The following MTUS2 variants were observed in gnomAD, a reference collection of about 807,000 sequenced individuals.
MTUS2 encodes microtubule-associated tumor suppressor candidate 2.
A neutral mutation model predicts 114.1 loss-of-function variants in MTUS2; 40 were observed. The ratio of observed to expected loss-of-function variants is 0.35; its 90% CI spans 0.27 to 0.46. MTUS2 has a LOEUF of 0.46. Among genes scored for constraint, MTUS2 ranks in the 20% least tolerant of loss-of-function variants. The pLI, the probability that MTUS2 is intolerant of heterozygous loss-of-function variation, is 1.00. For synonymous variants in MTUS2, 688 were observed against 672.0 expected, an observed-to-expected ratio of 1.02 and a Z score of -0.37; for missense variants, 1,679 against 1,705.4, an observed-to-expected ratio of 0.98 and a Z score of 0.27.
rs1021791237 is a variant in MTUS2 at position 29,284,588 on chromosome 13, TG to T, written c.2806+2725del. Among the ~76,000 whole-genome samples the T allele has an allele frequency of 9.2e-5, 14 of 152,296 alleles. 1 individual carries two copies. Among genetic ancestry groups the T allele is most frequent in the Admixed American group, 6.5e-4 (10 of 15,288 alleles). On this transcript the variant is annotated intron_variant, in intron 6 of 15. Coordinates refer to ENST00000612955, the MANE Select transcript of MTUS2 (RefSeq NM_001033602.4). ...AAACTCAAAAATGAAATTAAACAAA[TG>T]GAAGTAATTGCATAGCCCGTTGATG...
At position 29,353,009 on chromosome 13, in the gene MTUS2, G is replaced by T. The variant is rs77488355; in HGVS notation, c.2906-6253G>T. 4.6e-3 allele frequency among the ~76,000 whole-genome samples: 707 copies of T among 152,216 alleles called. 6 individuals are homozygous for T. Among genetic ancestry groups the T allele is most frequent in the African/African-American group, 0.016 (661 of 41,532 alleles). On this transcript the variant is annotated intron_variant, in intron 7 of 15. Transcript: ENST00000612955. The stretch of plus-strand genomic sequence containing the variant: ...ATACATTTACAATAACTGTTTAACT[G>T]TCCCTGTCTAGTAATTCTGTTATCT...
intron 2 of MTUS2, among the ~76,000 whole-genome samples, chr13:28,945,297 A>ATG (rs1555276525): frequency 2.2e-4 from 8 of 35,910 alleles, no homozygotes; most frequent in African/African-American, 4.2e-4. Flanking sequence ...GAGGGAAGGT[A>ATG]TCTTCGATAT....
At chr13:29,001,716 A>G (rs1476839389) in intron 2 of MTUS2, among the ~76,000 whole-genome samples, 1 of 152,156 alleles carries the variant, frequency 6.6e-6, no homozygotes, top group African/African-American at 2.4e-5. Flanking sequence ...TCATGTGGCA[A>G]AAGGGACTTT....
Position 28,830,023 on chromosome 13 carries a change from C to T in MTUS2, c.-316+9412C>T, listed in dbSNP as rs556573968. 1.6e-3 allele frequency among the ~76,000 whole-genome samples: 238 copies of T among 152,234 alleles called. 1 individual carries two copies. The highest frequency in any genetic ancestry group is 5.3e-3 in the African/African-American group (222 of 41,546). On this transcript the variant is annotated intron_variant, in intron 1 of 15. Transcript: ENST00000612955. ...AGCATGTACCCCACCCCCCAACACG[C>T]GTAATCCCTCAGCAAAGACAGAAAT...
At chr13:29,010,663 A>G (rs982459323) in intron 2 of MTUS2, among the ~76,000 whole-genome samples, 1 of 151,920 alleles carries the variant, frequency 6.6e-6, no homozygotes, top group Non-Finnish European at 1.5e-5. Context: ...CTTCCTATTT[A>G]CTTGCTCTAT....
At chr13:29,083,445 C>G (rs1264747721) in intron 4 of MTUS2, among the ~76,000 whole-genome samples, 2 of 152,140 alleles carry the variant, frequency 1.3e-5, no homozygotes, top group East Asian at 3.9e-4. Context: ...AGGTTGTATT[C>G]CTTTAGAGGT....
At chr13:29,279,629 A>T (rs1013806546) in intron 5 of MTUS2, among the ~76,000 whole-genome samples, 8 of 152,230 alleles carry the variant, frequency 5.3e-5, no homozygotes, top group Non-Finnish European at 8.8e-5. Context: ...GTTTATTGCC[A>T]GCTGTCTCCC....
At chr13:29,122,828 C>G (rs998538625) in intron 5 of MTUS2, among the ~76,000 whole-genome samples, 8 of 152,114 alleles carry the variant, frequency 5.3e-5, no homozygotes, top group Non-Finnish European at 1.2e-4. Context: ...CATCCCTGTC[C>G]GTATCACTGG....
intron 5 of MTUS2, among the ~76,000 whole-genome samples, chr13:29,159,356 CACAT>C (rs1215149259): frequency 1.9e-4 from 29 of 151,996 alleles, no homozygotes; most frequent in Non-Finnish European, 4.0e-4. Context: ...TACACATAGA[CACAT>C]ACATACGTAC....
At chr13:28,884,445 C>G (rs1285549618) in intron 2 of MTUS2, among the ~76,000 whole-genome samples, 1 of 152,104 alleles carries the variant, frequency 6.6e-6, no homozygotes, top group Non-Finnish European at 1.5e-5. Flanking sequence ...GAACAGAGTT[C>G]TGGGGATGGA....
At chr13:28,969,247 G>A (rs1883740947) in intron 2 of MTUS2, among the ~76,000 whole-genome samples, 1 of 151,998 alleles carries the variant, frequency 6.6e-6, no homozygotes. Context: ...GAACTGTGTT[G>A]CCCAAGCTGG....
At chr13:29,438,717 C>G (rs2138675195) in intron 8 of MTUS2, among the ~76,000 whole-genome samples, 1 of 152,256 alleles carries the variant, frequency 6.6e-6, no homozygotes, top group South Asian at 2.1e-4. Context: ...CCCTCAGGGA[C>G]AGATCTATTG....
At chr13:29,013,330 AC>A (rs1366032427) in intron 2 of MTUS2, among the ~76,000 whole-genome samples, 1 of 149,972 alleles carries the variant, frequency 6.7e-6, no homozygotes, top group Non-Finnish European at 1.5e-5. Flanking sequence ...AGAATTTGTC[AC>A]CGACTCTTGG....
chr13:29,249,179 T>C (rs4769706), intron 5 of MTUS2, among the ~76,000 whole-genome samples: 137,309 of 151,914 alleles, frequency 0.9, 62,642 homozygotes, highest in Non-Finnish European at 0.97. Context: ...TTAGTAGAGA[T>C]GGGGTTTCAC....
At chr13:29,386,401 T>A (rs951536622) in intron 8 of MTUS2, among the ~76,000 whole-genome samples, 9 of 152,192 alleles carry the variant, frequency 5.9e-5, no homozygotes, top group African/African-American at 2.2e-4. Flanking sequence ...CTTGACAGGT[T>A]TCTTGCTGAA....
chr13:28,904,410 C>T (rs1338752119), intron 2 of MTUS2, among the ~76,000 whole-genome samples: 1 of 152,084 alleles, frequency 6.6e-6, no homozygotes, highest in African/African-American at 2.4e-5. Flanking sequence ...GTCTTTAATC[C>T]ATCTTGAATT....
chr13:29,433,838 T>C (rs1301673959), intron 8 of MTUS2, among the ~76,000 whole-genome samples: 2 of 152,216 alleles, frequency 1.3e-5, no homozygotes, highest in Non-Finnish European at 2.9e-5. Flanking sequence ...TAAAAAAACC[T>C]TTAACCTTTT....
At chr13:28,937,951 C>T (rs1421086385) in intron 2 of MTUS2, among the ~76,000 whole-genome samples, 1 of 152,170 alleles carries the variant, frequency 6.6e-6, no homozygotes, top group Non-Finnish European at 1.5e-5. Flanking sequence ...GATTCCTAAC[C>T]ACTGACCCAC....
chr13:29,012,889 G>A (rs960821708), intron 2 of MTUS2, among the ~76,000 whole-genome samples: 4 of 152,116 alleles, frequency 2.6e-5, no homozygotes, highest in African/African-American at 9.7e-5. Flanking sequence ...AAAAAAGAGT[G>A]GGTCCAACCT....
Sources: allele counts gnomAD v4.1 joint callset (sites outside exome capture counted in the v4.1 genomes callset), GRCh38; gene constraint gnomAD v4.1.1; transcripts MANE v1.5; gene names NCBI Gene and HGNC (gene_info 2026-07-23, HGNC 2026-07-21).